Variants in PIK3CG observed in about 807,000 individuals in gnomAD.
The protein encoded by PIK3CG is phosphatidylinositol 4,5-bisphosphate 3-kinase catalytic subunit gamma isoform.
PIK3CG carries 55 observed loss-of-function variants against 102.3 expected under a neutral mutation model. The observed-to-expected ratio is 0.54, with a 90% CI of 0.43 to 0.67. PIK3CG has a LOEUF of 0.67. Among genes scored for constraint, PIK3CG ranks in the 30% least tolerant of loss-of-function variants. The probability of loss-of-function intolerance (pLI) is 0.00; values close to 1 mark genes in which losing one functional copy is unlikely to be tolerated. For missense variants in PIK3CG, 1,258 were observed against 1,391.8 expected, an observed-to-expected ratio of 0.90 and a Z score of 1.53; for synonymous variants, 552 against 540.0, an observed-to-expected ratio of 1.02 and a Z score of -0.31.
chr7:106,905,297 A>G lies in PIK3CG; in HGVS notation c.3219A>G (p.Glu1073=), dbSNP rs185548488. 9.3e-5 allele frequency: 150 copies of G among 1,614,140 alleles called. 1 individual carries two copies. The South Asian group carries it at 1.5e-3, about 17-fold the overall frequency. The change falls in exon 11 of 11, where the codon GAA becomes GAG. Residue 1073 remains glutamate (E), a synonymous_variant. Transcript: ENST00000496166. This position sits in a 1 kb window ranked among gnomAD's most constrained non-coding sequence, Gnocchi z 5.6. ...DAKKYFLDQI[E]VCRDKGWTVQ... ...AAAAGTATTTTCTTGATCAGATCGA[A>G]GTTTGCAGAGACAAAGGATGGACTG...
chr7:106,884,318 C>A lies in PIK3CG; in HGVS notation c.2872+52C>A. Reference sequence around the variant, plus strand: ...TTTTATTGTGGTAAAATATATATAACATAACATTTACTATTTTAACTCTAA... The same window carrying A: ...TTTTATTGTGGTAAAATATATATAAAATAACATTTACTATTTTAACTCTAA... On this transcript the variant is annotated intron_variant, in intron 9 of 10. Coordinates refer to ENST00000496166, the MANE Select transcript of PIK3CG (RefSeq NM_001282426.2). The surrounding 1 kb of genome is among the most constrained non-coding windows in gnomAD (Gnocchi z 4.2). 1.7e-6 allele frequency: 2 copies of A among 1,146,590 alleles called. No homozygotes were observed. Among genetic ancestry groups the A allele is most frequent in the East Asian group, 4.7e-5 (2 of 42,398 alleles). 71.0% of individuals were successfully genotyped at this position (1,146,590 alleles called of 1,614,324 possible). A position where few individuals can be genotyped will look rare whatever the true frequency, so the allele number is the denominator to read the frequency against.
chr7:106,872,708 CTCAG>C lies in PIK3CG; in HGVS notation c.2062-4_2062-1del. ...TAATTTCAACTTTCTTGTACCTGCC[CTCAG>C]AACAAAAGAATTGGTCACTTTTTGT... On this transcript the variant is annotated splice_acceptor_variant and splice_polypyrimidine_tract_variant and intron_variant, in intron 3 of 10. Coordinates refer to ENST00000496166, the MANE Select transcript of PIK3CG (RefSeq NM_001282426.2). LOFTEE classifies it high-confidence loss of function. This position sits in a 1 kb window ranked among gnomAD's most constrained non-coding sequence, Gnocchi z 5.3. The C allele has an allele frequency of 6.2e-7, 1 of 1,612,492 alleles. No homozygotes were observed. Among genetic ancestry groups the C allele is most frequent in the Non-Finnish European group, 8.5e-7 (1 of 1,178,510 alleles).
At chr7:106,865,686 G>C (rs1790256997) in intron 1 of PIK3CG, 1 of 152,202 alleles carries the variant, frequency 6.6e-6, no homozygotes, top group South Asian at 2.1e-4. Flanking sequence ...ATTCCTACAA[G>C]TGCATGCTTC....
chr7:106,879,040 C>T lies in PIK3CG; in HGVS notation c.2392-479C>T, dbSNP rs1790853882. Among the ~76,000 whole-genome samples the T allele has an allele frequency of 6.6e-6, 1 of 152,178 alleles. No individual in the cohort carries two copies. Among genetic ancestry groups the T allele is most frequent in the Admixed American group, 6.5e-5 (1 of 15,278 alleles). The stretch of plus-strand genomic sequence containing the variant: ...GTGTTGTACCTAAATGCCAGATTTT[C>T]CATTTATTTCTGTTAAATTTCATCT... On this transcript the variant is annotated intron_variant, in intron 5 of 10. Transcript: ENST00000496166. This position sits in a 1 kb window ranked among gnomAD's most constrained non-coding sequence, Gnocchi z 4.9.
In PIK3CG at chr7:106,868,972, C is replaced by A. The variant is rs1373838181; in HGVS notation, c.1411C>A (p.His471Asn). The change falls in exon 2 of 11, where the codon CAC (histidine) becomes AAC (asparagine). Residue 471 changes from histidine (H) to asparagine (N), a missense_variant. Physicochemically the swap from His to Asn is moderately conservative, Grantham distance 68. This residue lies in a region of PIK3CG where 832 missense variants were observed against 787.5 expected (regional missense o/e 1.06). Transcript: ENST00000496166. The surrounding 1 kb of genome is among the most constrained non-coding windows in gnomAD (Gnocchi z 6.2). ...TTATGTGAACCTGCTGCTGATAGAC[C>A]ACCGTTTCCTCCTGCGCCGTGGAGA... ...LYYVNLLLID[H>N]RFLLRRGEYV... is the part of the protein sequence containing the mutation. 6.2e-7 allele frequency: 1 copy of A among 1,614,150 alleles called. No homozygotes were observed. The highest frequency in any genetic ancestry group is 2.2e-5 in the East Asian group (1 of 44,876).
Position 106,899,263 on chromosome 7 carries a change from C to T in PIK3CG, c.3031-5846C>T, listed in dbSNP as rs1318364714. Among the ~76,000 whole-genome samples the T allele has an allele frequency of 6.6e-6, 1 of 152,144 alleles. No individual in the cohort carries two copies. The highest frequency in any genetic ancestry group is 1.5e-5 in the Non-Finnish European group (1 of 68,026). On this transcript the variant is annotated intron_variant, in intron 10 of 10. Coordinates refer to ENST00000496166, the MANE Select transcript of PIK3CG (RefSeq NM_001282426.2). This position sits in a 1 kb window ranked among gnomAD's most constrained non-coding sequence, Gnocchi z 4.6. ...TTTATCAGCTGGAGGAGCTTTTAGGCAGAGACTATGGGGTTTTCTAGATAT... is the reference window on the plus strand; with the variant it reads ...TTTATCAGCTGGAGGAGCTTTTAGGTAGAGACTATGGGGTTTTCTAGATAT...
intron 5 of PIK3CG, among the ~76,000 whole-genome samples, chr7:106,875,915 T>G (rs1790718063): frequency 1.3e-5 from 2 of 148,406 alleles, no homozygotes; most frequent in Admixed American, 6.7e-5. Context: ...TTTTGTTTTT[T>G]TTTTTTTTTT....
rs2116439683 is a variant in PIK3CG at position 106,868,409 on chromosome 7, G to A, written c.848G>A (p.Gly283Asp). The change falls in exon 2 of 11, where the codon GGC (glycine) becomes GAC (aspartate). Residue 283 changes from glycine to aspartate, a missense_variant. By Grantham distance (94) the Gly-to-Asp change is moderately conservative (BLOSUM62 -1). Transcript: ENST00000496166. This position sits in a 1 kb window ranked among gnomAD's most constrained non-coding sequence, Gnocchi z 6.2. ...TGTGGCCGGGATGAGTACCTGGTGG[G>A]CGAAACGCCCATCAAAAACTTCCAG... Reference protein sequence around the residue: ...RVCGRDEYLVGETPIKNFQWV... With the variant: ...RVCGRDEYLVDETPIKNFQWV... 6 of 1,614,246 alleles carry A rather than the reference G, an allele frequency of 3.7e-6. No homozygotes were observed. The highest frequency in any genetic ancestry group is 3.4e-6 in the Non-Finnish European group (4 of 1,180,052).
intron 10 of PIK3CG, among the ~76,000 whole-genome samples, chr7:106,901,029 G>T (rs905780751): frequency 7.2e-5 from 11 of 152,128 alleles, no homozygotes; most frequent in African/African-American, 2.7e-4. Flanking sequence ...TGATGATTAT[G>T]TATCTTGGGG....
At chr7:106,888,652 T>A (rs1435877461) in intron 10 of PIK3CG, among the ~76,000 whole-genome samples, 1 of 152,254 alleles carries the variant, frequency 6.6e-6, no homozygotes, top group African/African-American at 2.4e-5. Context: ...AACACACTTT[T>A]GTACATTTGT....
rs1791758013 is a variant in PIK3CG at position 106,908,915 on chromosome 7, T to C, written c.*3528T>C. Among the ~76,000 whole-genome samples, 1 of 152,212 alleles carries C rather than the reference T, an allele frequency of 6.6e-6. No homozygotes were observed. ...TTGTATTTTTAAGTGTTCTGTTGGC[T>C]TATTTTCTGTTTCATCCAACTCAAT... On this transcript the variant is annotated 3_prime_UTR_variant, in exon 11 of 11. Coordinates refer to ENST00000496166, the MANE Select transcript of PIK3CG (RefSeq NM_001282426.2). The surrounding 1 kb of genome is among the most constrained non-coding windows in gnomAD (Gnocchi z 4.1).
chr7:106,897,314 G>A lies in PIK3CG; in HGVS notation c.3031-7795G>A, dbSNP rs913460769. Among the ~76,000 whole-genome samples the A allele has an allele frequency of 6.6e-6, 1 of 152,090 alleles. No individual in the cohort carries two copies. Among genetic ancestry groups the A allele is most frequent in the Non-Finnish European group, 1.5e-5 (1 of 68,018 alleles). Reference sequence around the variant, plus strand: ...TAGATTCCTAGCATGGAAGTTGCTGGGTAAAAGGATATAGATGTTTTTAAA... The same window carrying A: ...TAGATTCCTAGCATGGAAGTTGCTGAGTAAAAGGATATAGATGTTTTTAAA... On this transcript the variant is annotated intron_variant, in intron 10 of 10. Transcript: ENST00000496166. This position sits in a 1 kb window ranked among gnomAD's most constrained non-coding sequence, Gnocchi z 4.6.
Position 106,868,087 on chromosome 7 carries a change from A to T in PIK3CG, c.526A>T (p.Thr176Ser), listed in dbSNP as rs1790374131. ...SNVHDDELEF[T>S]RRGLVTPRMA... ...CGTGCACGACGATGAGCTGGAGTTC[A>T]CGCGCCGTGGCTTGGTGACCCCGCG... The change falls in exon 2 of 11, where the codon ACG (threonine) becomes TCG (serine). Residue 176 changes from threonine (T) to serine (S), a missense_variant. Coordinates refer to ENST00000496166, the MANE Select transcript of PIK3CG (RefSeq NM_001282426.2). The surrounding 1 kb of genome is among the most constrained non-coding windows in gnomAD (Gnocchi z 6.2). The T allele has an allele frequency of 1.9e-6, 3 of 1,612,922 alleles. No individual in the cohort carries two copies. Among genetic ancestry groups the T allele is most frequent in the Non-Finnish European group, 2.5e-6 (3 of 1,179,300 alleles).
intron 10 of PIK3CG, among the ~76,000 whole-genome samples, chr7:106,896,789 A>G (rs1791421137): frequency 6.6e-6 from 1 of 152,166 alleles, no homozygotes; most frequent in Non-Finnish European, 1.5e-5. Flanking sequence ...TGGGCGCTTT[A>G]TGTATATTGT....
At position 106,868,633 on chromosome 7, in the gene PIK3CG, G is replaced by T. The variant is rs62001903; in HGVS notation, c.1072G>T (p.Asp358Tyr). The change falls in exon 2 of 11, where the codon GAC becomes TAC. Residue 358 changes from aspartate (D) to tyrosine (Y), a missense_variant. Transcript: ENST00000496166. This position sits in a 1 kb window ranked among gnomAD's most constrained non-coding sequence, Gnocchi z 6.2. ...GTTCACCGTGTCCCTGTGGGACTGC[G>T]ACCGCAAGTTCAGGGTCAAGATCAG... ...SVFTVSLWDC[D>Y]RKFRVKIRGI... is the part of the protein sequence containing the mutation. The T allele has an allele frequency of 2.2e-4, 361 of 1,614,052 alleles. 2 individuals are homozygous for T. The highest frequency in any genetic ancestry group is 8.2e-4 in the Middle Eastern group (5 of 6,082).
rs1791024746 is a variant in PIK3CG, at chr7:106,884,340, C to G, written c.2872+74C>G. ...TAACATAACATTTACTATTTTAACT[C>G]TAATTAACTGTAAGTGTTCAGTTCA... On this transcript the variant is annotated intron_variant, in intron 9 of 10. Transcript: ENST00000496166. This position sits in a 1 kb window ranked among gnomAD's most constrained non-coding sequence, Gnocchi z 4.2. 5.2e-6 allele frequency: 5 copies of G among 957,116 alleles called. No homozygotes were observed. The highest frequency in any genetic ancestry group is 3.3e-5 in the African/African-American group (2 of 60,828). 59.3% of individuals were successfully genotyped at this position (957,116 alleles called of 1,614,324 possible). A position where few individuals can be genotyped will look rare whatever the true frequency, so the allele number is the denominator to read the frequency against.
Position 106,868,074 on chromosome 7 carries a change from T to C in PIK3CG, c.513T>C (p.Asp171=). The C allele has an allele frequency of 1.9e-6, 3 of 1,612,882 alleles. No individual in the cohort carries two copies. The highest frequency in any genetic ancestry group is 2.5e-6 in the Non-Finnish European group (3 of 1,179,242). ...DVTDVSNVHD[D]ELEFTRRGLV... ...CTGACGTCAGCAACGTGCACGACGA[T>C]GAGCTGGAGTTCACGCGCCGTGGCT... is the stretch of plus-strand genomic sequence containing the variant. The change falls in exon 2 of 11, where the codon GAT becomes GAC. Residue 171 remains aspartate, a synonymous_variant. Coordinates refer to ENST00000496166, the MANE Select transcript of PIK3CG (RefSeq NM_001282426.2). This position sits in a 1 kb window ranked among gnomAD's most constrained non-coding sequence, Gnocchi z 6.2.
At chr7:106,875,572 A>T (rs1257016487) in intron 5 of PIK3CG, among the ~76,000 whole-genome samples, 2 of 152,166 alleles carry the variant, frequency 1.3e-5, no homozygotes, top group Admixed American at 1.3e-4. Context: ...CTAGACTTTT[A>T]TTAAGAGGAA....
chr7:106,868,942 C>G lies in PIK3CG; in HGVS notation c.1381C>G (p.Leu461Val), dbSNP rs1056639757. Residue 461 changes from leucine to valine, a missense_variant, in exon 2 of 11, where the codon CTC becomes GTC. Around this residue, in one of 2 missense-constraint regions of PIK3CG, gnomAD observed 832 missense variants for 787.5 expected, o/e 1.06. Coordinates refer to ENST00000496166, the MANE Select transcript of PIK3CG (RefSeq NM_001282426.2). This position sits in a 1 kb window ranked among gnomAD's most constrained non-coding sequence, Gnocchi z 6.2. ...TGAGTCCAAGGGCAAAGTTCAGCTT[C>G]TCTATTATGTGAACCTGCTGCTGAT... Reference protein sequence around the residue: ...SSESKGKVQLLYYVNLLLIDH... With the variant: ...SSESKGKVQLVYYVNLLLIDH... The G allele has an allele frequency of 1.2e-6, 2 of 1,614,176 alleles. No homozygotes were observed. The highest frequency in any genetic ancestry group is 1.3e-5 in the African/African-American group (1 of 75,044).
Sources: gnomAD v4.1 joint callset for allele counts (sites outside exome capture counted in the v4.1 genomes callset) on GRCh38, gnomAD v4.1.1 for gene constraint, gnomAD v4.1.1 regional missense constraint, Gnocchi (gnomAD v3.1) non-coding constraint, MANE v1.5 for transcripts, NCBI Gene and HGNC (gene_info 2026-07-23, HGNC 2026-07-21) for gene names.